Variants in MDGA1 observed in about 807,000 individuals in gnomAD.
MDGA1 encodes the protein MAM domain containing glycosylphosphatidylinositol anchor 1.
In MDGA1, 54 loss-of-function variants were observed where a neutral mutation model predicts 101.5. That is an observed-to-expected ratio of 0.53 (90% CI 0.43 to 0.67). The LOEUF is 0.67. MDGA1 is among the 30% of genes least tolerant of loss of function. The pLI is 0.00. For synonymous variants in MDGA1, 533 were observed against 558.3 expected, an observed-to-expected ratio of 0.95 and a Z score of 0.64; for missense variants, 1,083 against 1,323.8, an observed-to-expected ratio of 0.82 and a Z score of 2.82.
intron 1 of MDGA1, among the ~76,000 whole-genome samples, chr6:37,676,893 A>C (rs1468723445): frequency 2.7e-5 from 4 of 147,094 alleles, no homozygotes; most frequent in Non-Finnish European, 4.5e-5. Flanking sequence ...GCAAAACTCC[A>C]TCTCAACAGA....
intron 1 of MDGA1, among the ~76,000 whole-genome samples, chr6:37,684,539 G>T (rs1017356377): frequency 6.6e-6 from 1 of 152,242 alleles, no homozygotes; most frequent in African/African-American, 2.4e-5. Flanking sequence ...GAATGAGAAA[G>T]AAAGCTGTAG....
chr6:37,664,202 C>A, intron 1 of MDGA1, 96 bp from the exon 2 acceptor site: 1 of 1,460,864 alleles, frequency 6.8e-7, no homozygotes, highest in Non-Finnish European at 9.4e-7. Flanking sequence ...GAGGGGTCAG[C>A]CCAGATCTCC....
chr6:37,649,402 C>T lies in MDGA1; in HGVS notation c.1610-136G>A. 2.9e-6 allele frequency: 4 copies of T among 1,364,922 alleles called. No homozygotes were observed. The South Asian group carries it at 6.5e-5, about 22-fold the overall frequency. 84.6% of individuals were successfully genotyped at this position (1,364,922 alleles called of 1,614,324 possible). ...AAAAATCCCAGGGCGGATGCACACTCGCAACACATCCCTCCAATGGCCACG... is the reference window on the plus strand; with the variant it reads ...AAAAATCCCAGGGCGGATGCACACTTGCAACACATCCCTCCAATGGCCACG... On this transcript the variant is annotated intron_variant, in intron 8 of 16. Coordinates refer to ENST00000434837, the MANE Select transcript of MDGA1 (RefSeq NM_153487.4).
intron 16 of MDGA1, chr6:37,637,870 T>C: frequency 1.9e-6 from 1 of 529,610 alleles, no homozygotes; most frequent in Non-Finnish European, 3.3e-6. Context: ...GCTGTTAGTA[T>C]TGGAAACCTC....
At chr6:37,683,786 C>T (rs1465125703) in intron 1 of MDGA1, among the ~76,000 whole-genome samples, 2 of 152,230 alleles carry the variant, frequency 1.3e-5, no homozygotes, top group African/African-American at 2.4e-5. Flanking sequence ...TTCCCTGTCT[C>T]GCTTCCCCAT....
chr6:37,678,432 G>C (rs1762026042), intron 1 of MDGA1, among the ~76,000 whole-genome samples: 2 of 151,952 alleles, frequency 1.3e-5, no homozygotes, highest in Admixed American at 6.6e-5. Flanking sequence ...TTCCTCCCTT[G>C]CCTGCTGTAG....
At chr6:37,685,232 C>A (rs1762174160) in intron 1 of MDGA1, among the ~76,000 whole-genome samples, 1 of 151,776 alleles carries the variant, frequency 6.6e-6, no homozygotes, top group Non-Finnish European at 1.5e-5. Flanking sequence ...ACGGAGAATG[C>A]AGTAAGCTGA....
rs1317299580 is a variant in MDGA1, at chr6:37,632,285, T to C, written c.*5083A>G. On this transcript the variant is annotated 3_prime_UTR_variant, in exon 17 of 17. Coordinates refer to ENST00000434837, the MANE Select transcript of MDGA1 (RefSeq NM_153487.4). ...TCCATCTCTCCCATTAAACAGGGGC[T>C]TCCACAAAGGCAGTGTTTGGTTGGT... The C allele has an allele frequency of 6.6e-6, 1 of 152,290 alleles. No individual in the cohort carries two copies. The highest frequency in any genetic ancestry group is 1.5e-5 in the Non-Finnish European group (1 of 68,110). 9.4% of individuals were successfully genotyped at this position (152,290 alleles called of 1,614,324 possible). A position where few individuals can be genotyped will look rare whatever the true frequency, so the allele number is the denominator to read the frequency against.
chr6:37,677,347 C>A (rs1432398248), intron 1 of MDGA1, among the ~76,000 whole-genome samples: 5 of 152,120 alleles, frequency 3.3e-5, no homozygotes, highest in Non-Finnish European at 7.3e-5. Context: ...GGGGAATAGG[C>A]CCCAAGGAAA....
chr6:37,669,372 A>AT (rs1478038783), intron 1 of MDGA1, among the ~76,000 whole-genome samples: 2 of 152,150 alleles, frequency 1.3e-5, no homozygotes, highest in African/African-American at 4.8e-5. Context: ...AGGATAACCC[A>AT]TTTACTATTA....
Position 37,654,548 on chromosome 6 carries a change from G to A in MDGA1, c.713-5C>T. 1 of 1,614,038 alleles carries A rather than the reference G, an allele frequency of 6.2e-7. No homozygotes were observed. The highest frequency in any genetic ancestry group is 8.5e-7 in the Non-Finnish European group (1 of 1,179,910). On this transcript the variant is annotated splice_polypyrimidine_tract_variant and splice_region_variant and intron_variant, in intron 5 of 16. Transcript: ENST00000434837. ...ACAGCTTCAGGGCTGGTGGTGCTAAGAGGACAAGGAGGGGGGTCTTAGGGG... is the reference window on the plus strand; with the variant it reads ...ACAGCTTCAGGGCTGGTGGTGCTAAAAGGACAAGGAGGGGGGTCTTAGGGG...
Position 37,636,004 on chromosome 6 carries a change from T to C in MDGA1, c.*1364A>G, listed in dbSNP as rs1763922253. On this transcript the variant is annotated 3_prime_UTR_variant, in exon 17 of 17. Transcript: ENST00000434837. ...GTTTGCACACACTCCTGCCCAACAA[T>C]GTACCCACGGTGGTACCTAGACACA... The C allele has an allele frequency of 2.8e-6, 1 of 355,042 alleles. No individual in the cohort carries two copies. The highest frequency in any genetic ancestry group is 5.0e-6 in the Non-Finnish European group (1 of 198,394). 22.0% of individuals were successfully genotyped at this position (355,042 alleles called of 1,614,324 possible).
At chr6:37,660,265 C>T (rs567394468) in intron 2 of MDGA1, among the ~76,000 whole-genome samples, 3 of 152,084 alleles carry the variant, frequency 2.0e-5, no homozygotes, top group African/African-American at 7.2e-5. Flanking sequence ...GTCCTCCCAC[C>T]TTGGTCTCCC....
chr6:37,672,035 G>A (rs759557258), intron 1 of MDGA1, among the ~76,000 whole-genome samples: 36 of 151,928 alleles, frequency 2.4e-4, no homozygotes, highest in Middle Eastern at 3.2e-3. Flanking sequence ...CAGTTACTCG[G>A]GAGGCTGAGG....
chr6:37,650,995 T>G (rs1761347262), intron 7 of MDGA1, among the ~76,000 whole-genome samples: 1 of 152,242 alleles, frequency 6.6e-6, no homozygotes, highest in Non-Finnish European at 1.5e-5. Context: ...CCTCTTCTCC[T>G]TCCTGCAGAA....
chr6:37,641,313 C>A (rs538170451), intron 14 of MDGA1, among the ~76,000 whole-genome samples: 1 of 152,306 alleles, frequency 6.6e-6, no homozygotes, highest in East Asian at 1.9e-4. Flanking sequence ...AGATTGATTC[C>A]CCTTCCCTCA....
chr6:37,667,987 T>C (rs1343206692), intron 1 of MDGA1, among the ~76,000 whole-genome samples: 1 of 152,074 alleles, frequency 6.6e-6, no homozygotes, highest in Non-Finnish European at 1.5e-5. Flanking sequence ...GTGTGGTGAC[T>C]CACTTACAAT....
At chr6:37,679,014 G>A (rs879333640) in intron 1 of MDGA1, among the ~76,000 whole-genome samples, 4 of 151,470 alleles carry the variant, frequency 2.6e-5, no homozygotes, top group African/African-American at 4.9e-5. Context: ...TAAAGTTTAG[G>A]AGCATATTTT....
At chr6:37,657,914 T>C (rs13198513) in intron 3 of MDGA1, among the ~76,000 whole-genome samples, 93,789 of 151,760 alleles carry the variant, frequency 0.62, 29,774 homozygotes, top group East Asian at 0.85. Flanking sequence ...GATCTGTGTC[T>C]TCCTCTCAGC....
Sources: allele counts gnomAD v4.1 joint callset (sites outside exome capture counted in the v4.1 genomes callset), GRCh38; gene constraint gnomAD v4.1.1; transcripts MANE v1.5; gene names NCBI Gene and HGNC (gene_info 2026-07-23, HGNC 2026-07-21).